The following SLC4A10 variants were observed in gnomAD, a reference collection of about 807,000 sequenced individuals.
SLC4A10 encodes solute carrier family 4 member 10.
SLC4A10 carries 42 observed loss-of-function variants against 137.7 expected under a neutral mutation model. That is an observed-to-expected ratio of 0.30 (90% CI 0.24 to 0.39). The LOEUF is 0.39. Ranked by LOEUF, SLC4A10 falls within the 10% of genes least tolerant of loss-of-function variation. The pLI is 1.00. For synonymous variants in SLC4A10, 474 were observed against 464.1 expected (o/e 1.02, Z -0.27); for missense variants, 925 against 1,355.0 (o/e 0.68, Z 4.98).
At chr2:161,858,687 A>G (rs370082887) in intron 5 of SLC4A10, among the ~76,000 whole-genome samples, 2 of 152,308 alleles carry the variant, frequency 1.3e-5, no homozygotes, top group East Asian at 3.9e-4. Flanking sequence ...CATTATAAAG[A>G]TTAATGATGG....
chr2:161,810,792 T>A (rs2056480525), intron 3 of SLC4A10, among the ~76,000 whole-genome samples: 1 of 152,002 alleles, frequency 6.6e-6, no homozygotes, highest in South Asian at 2.1e-4. Context: ...GGATTTTGTG[T>A]CTATGTTCAT....
At chr2:161,839,318 G>A (rs922854145) in intron 3 of SLC4A10, among the ~76,000 whole-genome samples, 2 of 152,176 alleles carry the variant, frequency 1.3e-5, no homozygotes, top group Admixed American at 6.5e-5. Flanking sequence ...AGGGAGGTAG[G>A]AATGACTACA....
At chr2:161,708,871 G>T (rs1259841118) in intron 1 of SLC4A10, 1 of 1,502,528 alleles carries the variant, frequency 6.7e-7, no homozygotes, top group Non-Finnish European at 8.8e-7. Context: ...AGAATGTAGG[G>T]TGCTTGCTTT....
intron 1 of SLC4A10, among the ~76,000 whole-genome samples, chr2:161,691,547 T>C (rs2124924016): frequency 6.6e-6 from 1 of 152,212 alleles, no homozygotes; most frequent in African/African-American, 2.4e-5. Context: ...ATGTATTGTG[T>C]ACCTATATCA....
intron 2 of SLC4A10, among the ~76,000 whole-genome samples, chr2:161,780,238 G>C (rs747332018): frequency 4.5e-4 from 68 of 152,102 alleles, no homozygotes; most frequent in African/African-American, 1.6e-3. Flanking sequence ...TATGCTAAAA[G>C]AATAGAATAT....
intron 1 of SLC4A10, among the ~76,000 whole-genome samples, chr2:161,742,026 G>A (rs1315026911): frequency 6.6e-6 from 1 of 152,028 alleles, no homozygotes; most frequent in African/African-American, 2.4e-5. Context: ...CTATCTCCAT[G>A]AGTTCAATGA....
chr2:161,735,310 T>C (rs1039897873), intron 1 of SLC4A10, among the ~76,000 whole-genome samples: 3 of 151,604 alleles, frequency 2.0e-5, no homozygotes, highest in African/African-American at 7.3e-5. Context: ...AAAAATTCTT[T>C]TTCATTAGCA....
At chr2:161,889,647 A>G (rs761532902) in intron 10 of SLC4A10, among the ~76,000 whole-genome samples, 9 of 151,492 alleles carry the variant, frequency 5.9e-5, no homozygotes, top group Non-Finnish European at 1.0e-4. Context: ...ATCATTTTTT[A>G]TTGTGTCTAT....
intron 1 of SLC4A10, among the ~76,000 whole-genome samples, chr2:161,647,902 T>A (rs189968246): frequency 1.3e-5 from 2 of 152,332 alleles, no homozygotes; most frequent in Non-Finnish European, 1.5e-5. Context: ...TAGTACTCGC[T>A]GCAGAGCAAT....
chr2:161,896,948 C>T (rs2063570836), intron 11 of SLC4A10, among the ~76,000 whole-genome samples: 1 of 151,962 alleles, frequency 6.6e-6, no homozygotes, highest in African/African-American at 2.4e-5. Flanking sequence ...CATTACTGTC[C>T]TTGTATGTTT....
At chr2:161,685,435 A>C (rs1398833339) in intron 1 of SLC4A10, among the ~76,000 whole-genome samples, 1 of 151,996 alleles carries the variant, frequency 6.6e-6, no homozygotes, top group Non-Finnish European at 1.5e-5. Context: ...GCAAAACCCC[A>C]TCTCTACTAA....
At chr2:161,977,807 G>T in intron 26 of SLC4A10, 47 bp downstream of exon 26, 2 of 1,527,438 alleles carry the variant, frequency 1.3e-6, no homozygotes, top group Non-Finnish European at 1.8e-6. Flanking sequence ...ATTTCCTTAT[G>T]TTAAATGGTG....
intron 2 of SLC4A10, among the ~76,000 whole-genome samples, chr2:161,781,638 T>C (rs941164188): frequency 4.0e-5 from 6 of 151,546 alleles, no homozygotes; most frequent in Admixed American, 6.6e-5. Context: ...GCTTGAAGAG[T>C]TGGGGACACT....
intron 15 of SLC4A10, among the ~76,000 whole-genome samples, chr2:161,941,917 G>A (rs140950526): frequency 1.8e-3 from 277 of 152,180 alleles, no homozygotes; most frequent in African/African-American, 6.4e-3. Flanking sequence ...GTGAGAGCAA[G>A]AACCATATCT....
At chr2:161,685,417 C>A (rs1048024622) in intron 1 of SLC4A10, among the ~76,000 whole-genome samples, 4 of 152,014 alleles carry the variant, frequency 2.6e-5, no homozygotes, top group Non-Finnish European at 5.9e-5. Context: ...ATCAGCCTGG[C>A]CAACATGGCA....
chr2:161,910,345 T>G (rs1408286634), intron 15 of SLC4A10, among the ~76,000 whole-genome samples: 1 of 152,114 alleles, frequency 6.6e-6, no homozygotes, highest in African/African-American at 2.4e-5. Context: ...AGATCATCTA[T>G]TTAGTTTTGA....
At chr2:161,715,816 C>T (rs2044803197) in intron 1 of SLC4A10, among the ~76,000 whole-genome samples, 1 of 152,046 alleles carries the variant, frequency 6.6e-6, no homozygotes, top group Non-Finnish European at 1.5e-5. Flanking sequence ...ACGCATGTAT[C>T]TTTATAATAG....
At chr2:161,916,319 C>A (rs954305209) in intron 15 of SLC4A10, among the ~76,000 whole-genome samples, 1 of 152,192 alleles carries the variant, frequency 6.6e-6, no homozygotes, top group African/African-American at 2.4e-5. Flanking sequence ...TTATTCTTGT[C>A]TATTCCCTTT....
intron 1 of SLC4A10, among the ~76,000 whole-genome samples, chr2:161,666,297 T>C (rs1370735405): frequency 6.6e-6 from 1 of 151,676 alleles, no homozygotes; most frequent in Non-Finnish European, 1.5e-5. Context: ...ATGATACTCT[T>C]TGTTAGAGTG....
Sources: gnomAD v4.1 joint callset for allele counts (sites outside exome capture counted in the v4.1 genomes callset) on GRCh38, gnomAD v4.1.1 for gene constraint, MANE v1.5 for transcripts, NCBI Gene and HGNC (gene_info 2026-07-23, HGNC 2026-07-21) for gene names.